Variants in TPH1 observed in about 807,000 individuals in gnomAD.
TPH1 encodes the protein tryptophan hydroxylase 1, also known as tryptophan 5-hydroxylase 1.
TPH1 carries 37 observed loss-of-function variants against 49.5 expected under a neutral mutation model. The observed-to-expected ratio is 0.75, with a 90% CI of 0.58 to 0.98. The LOEUF (loss-of-function observed/expected upper bound fraction) is 0.98. TPH1 is among the 50% of genes least tolerant of loss of function. The pLI, the probability that TPH1 is intolerant of heterozygous loss-of-function variation, is 0.00. For missense variants in TPH1, 487 were observed against 523.6 expected (o/e 0.93, Z 0.68); for synonymous variants, 160 against 182.1 (o/e 0.88, Z 0.98).
chr11:18,026,689 T>C (rs1847931988), intron 6 of TPH1, 64 bp from the exon 7 acceptor site: 2 of 1,595,078 alleles, frequency 1.3e-6, no homozygotes, highest in Admixed American at 1.7e-5. Context: ...TGCAGCATTT[T>C]AGTTCTGCTA....
In TPH1 at chr11:18,026,716, C is replaced by T. The variant is rs536488505; in HGVS notation, c.668-91G>A. The T allele has an allele frequency of 1.8e-4, 271 of 1,481,756 alleles. No individual in the cohort carries two copies. In the African/African-American group the frequency reaches 3.0e-3, roughly 16 times the overall value. The allele number at this position is 1,481,756 out of a possible 1,614,324, so 91.8% of individuals were successfully genotyped here. Reference sequence around the variant, plus strand: ...GTTCTGCTAGTGGCACCAAGTAACACGTTGATGGAAGGCATGGAAACTATA... The same window carrying T: ...GTTCTGCTAGTGGCACCAAGTAACATGTTGATGGAAGGCATGGAAACTATA... On this transcript the variant is annotated intron_variant, in intron 6 of 10. Coordinates refer to ENST00000682019, the MANE Select transcript of TPH1 (RefSeq NM_004179.3).
intron 2 of TPH1, among the ~76,000 whole-genome samples, chr11:18,040,387 A>C (rs1207393870): frequency 3.4e-5 from 5 of 149,126 alleles, no homozygotes; most frequent in Admixed American, 6.7e-5. Context: ...ATATAGAGAG[A>C]AAATCTCACT....
intron 8 of TPH1, among the ~76,000 whole-genome samples, chr11:18,025,171 C>A (rs912306505): frequency 2.6e-5 from 4 of 152,214 alleles, no homozygotes; most frequent in Admixed American, 6.5e-5. Flanking sequence ...GGAAACCTAT[C>A]CTTTTTATTG....
chr11:18,019,630 T>C lies in TPH1; in HGVS notation c.*1361A>G, dbSNP rs747472623. On this transcript the variant is annotated 3_prime_UTR_variant, in exon 11 of 11. Coordinates refer to ENST00000682019, the MANE Select transcript of TPH1 (RefSeq NM_004179.3). ...GTTATAACTGCAAATAGAGGAGTCA[T>C]TCAAAATAAGAACTGAAGTCATGTA... is the stretch of plus-strand genomic sequence containing the variant. 9.4e-5 allele frequency: 43 copies of C among 457,392 alleles called. No homozygotes were observed. Among genetic ancestry groups the C allele is most frequent in the Middle Eastern group, 3.2e-4 (1 of 3,096 alleles). 28.3% of individuals were successfully genotyped at this position (457,392 alleles called of 1,614,324 possible). A position where few individuals can be genotyped will look rare whatever the true frequency, so the allele number is the denominator to read the frequency against.
chr11:18,025,633 T>C lies in TPH1; in HGVS notation c.872A>G (p.Gln291Arg), dbSNP rs1847922329. The C allele has an allele frequency of 1.9e-6, 3 of 1,614,040 alleles. No individual in the cohort carries two copies. Among genetic ancestry groups the C allele is most frequent in the African/African-American group, 2.7e-5 (2 of 75,030 alleles). Residue 291 changes from glutamine (Q) to arginine (R), a missense_variant, in exon 8 of 11, where the codon CAA becomes CGA. Gln to Arg is a conservative substitution (Grantham distance 43, BLOSUM62 1). Transcript: ENST00000682019. Reference sequence around the variant, plus strand: ...GCCAAGAGAAGCCAAGCCAATTTCTTGGGAGAATTGGGCAAAACTAGGTTC... The same window carrying C: ...GCCAAGAGAAGCCAAGCCAATTTCTCGGGAGAATTGGGCAAAACTAGGTTC... ...LAEPSFAQFS[Q>R]EIGLASLGAS... is the part of the protein sequence containing the mutation.
chr11:18,041,616 G>T (rs1848099279), intron 1 of TPH1, among the ~76,000 whole-genome samples: 1 of 152,158 alleles, frequency 6.6e-6, no homozygotes, highest in South Asian at 2.1e-4. Context: ...AAGAAACTAG[G>T]ATATTTCAGG....
Position 18,021,109 on chromosome 11 carries a change from C to T in TPH1, c.1217G>A (p.Arg406Gln), listed in dbSNP as rs757820411. 1.2e-5 allele frequency: 19 copies of T among 1,613,822 alleles called. No homozygotes were observed. Among genetic ancestry groups the T allele is most frequent in the Middle Eastern group, 1.6e-4 (1 of 6,084 alleles). The change falls in exon 11 of 11, where the codon CGG becomes CAG. Residue 406 changes from arginine to glutamine, a missense_variant. Coordinates refer to ENST00000682019, the MANE Select transcript of TPH1 (RefSeq NM_004179.3). ...GGTGTCTTTCAGGATCTGAATACTC[C>T]GTGTATATGGATTATACTTCACTCC... ...PFGVKYNPYTRSIQILKDTKS... is the reference protein window; with the variant it reads ...PFGVKYNPYTQSIQILKDTKS...
At position 18,023,916 on chromosome 11, in the gene TPH1, C is replaced by A. The variant is rs1219325577; in HGVS notation, c.998G>T (p.Gly333Val). 17 of 1,613,170 alleles carry A rather than the reference C, an allele frequency of 1.1e-5. No homozygotes were observed. Among genetic ancestry groups the A allele is most frequent in the African/African-American group, 1.3e-5 (1 of 74,882 alleles). ...QDGQLRVFGAGLLSSISELKH... is the reference protein window; with the variant it reads ...QDGQLRVFGAVLLSSISELKH... ...GAGTTCACTGATAGAAGAAAGTAAG[C>A]CAGCACCAAAGACTCTTAGCTGTCC... Residue 333 changes from glycine (G) to valine (V), a missense_variant, in exon 9 of 11, where the codon GGC (glycine) becomes GTC (valine). Physicochemically the swap from Gly to Val is moderately radical, Grantham distance 109. Transcript: ENST00000682019.
chr11:18,045,047 G>A (rs1001400585), intron 1 of TPH1, among the ~76,000 whole-genome samples: 20 of 152,254 alleles, frequency 1.3e-4, no homozygotes, highest in African/African-American at 2.6e-4. Context: ...AGGTCAAGGC[G>A]TATACAATGA....
At position 18,021,306 on chromosome 11, in the gene TPH1, TCTACA is replaced by T. The variant is rs1854359405; in HGVS notation, c.1161-146_1161-142del. The T allele has an allele frequency of 3.8e-6, 3 of 782,264 alleles. No homozygotes were observed. In the African/African-American group the frequency reaches 5.1e-5, roughly 13 times the overall value. 48.5% of individuals were successfully genotyped at this position (782,264 alleles called of 1,614,324 possible). A position where few individuals can be genotyped will look rare whatever the true frequency, so the allele number is the denominator to read the frequency against. Reference sequence around the variant, plus strand: ...GTGTACAACCAATCTGACCTACTTCTCTACACTACATTTGCAGAGGTCCCCTGGAA... The same window carrying T: ...GTGTACAACCAATCTGACCTACTTCTCTACATTTGCAGAGGTCCCCTGGAA... On this transcript the variant is annotated intron_variant, in intron 10 of 10. Transcript: ENST00000682019.
At chr11:18,041,609 A>G (rs1590268986) in intron 1 of TPH1, among the ~76,000 whole-genome samples, 1 of 152,358 alleles carries the variant, frequency 6.6e-6, no homozygotes, top group East Asian at 1.9e-4. Context: ...CTCACGGAAG[A>G]AACTAGGATA....
rs1318565860 is a variant in TPH1, at chr11:18,023,902, T to C, written c.1012A>G (p.Ile338Val). Residue 338 changes from isoleucine (I) to valine (V), a missense_variant, in exon 9 of 11, where the codon ATC becomes GTC. Ile to Val is a conservative substitution (Grantham distance 29). Coordinates refer to ENST00000682019, the MANE Select transcript of TPH1 (RefSeq NM_004179.3). ...GCAACTCTTACTTTGAGTTCACTGA[T>C]AGAAGAAAGTAAGCCAGCACCAAAG... is the stretch of plus-strand genomic sequence containing the variant. ...RVFGAGLLSS[I>V]SELKHALSGH... The C allele has an allele frequency of 1.2e-6, 2 of 1,612,622 alleles. No individual in the cohort carries two copies. Among genetic ancestry groups the C allele is most frequent in the African/African-American group, 1.3e-5 (1 of 74,882 alleles).
intron 10 of TPH1, 113 bp downstream of exon 10, chr11:18,022,685 G>C: frequency 8.7e-7 from 1 of 1,143,510 alleles, no homozygotes; most frequent in Non-Finnish European, 1.3e-6. Flanking sequence ...GTTACAGACA[G>C]AAGGCTCCTT....
chr11:18,035,621 G>C (rs1373015774), intron 3 of TPH1, among the ~76,000 whole-genome samples: 1 of 151,834 alleles, frequency 6.6e-6, no homozygotes, highest in Non-Finnish European at 1.5e-5. Flanking sequence ...CACAGACTGG[G>C]TCTCTCCATG....
At chr11:18,046,171 G>A (rs1015191485) in intron 1 of TPH1, among the ~76,000 whole-genome samples, 70 bp downstream of exon 1, 4 of 152,184 alleles carry the variant, frequency 2.6e-5, no homozygotes, top group Non-Finnish European at 5.9e-5. Context: ...GCCCAGCCCC[G>A]CGCCTGCCAA....
chr11:18,044,212 A>G (rs1848121646), intron 1 of TPH1, among the ~76,000 whole-genome samples: 1 of 152,164 alleles, frequency 6.6e-6, no homozygotes, highest in African/African-American at 2.4e-5. Flanking sequence ...TCATGAGGTC[A>G]AGAGAGCGAG....
At chr11:18,023,419 TCAGAAATGATGAGGAAA>T (rs1238328136) in intron 9 of TPH1, among the ~76,000 whole-genome samples, 1 of 152,164 alleles carries the variant, frequency 6.6e-6, no homozygotes, top group Non-Finnish European at 1.5e-5. Flanking sequence ...TGCTAGCATA[TCAGAAATGATGAGGAAA>T]CAGCAAGACT....
intron 1 of TPH1, chr11:18,041,367 G>T (rs1410555342): frequency 3.9e-5 from 6 of 152,698 alleles, no homozygotes; most frequent in African/African-American, 1.2e-4. Flanking sequence ...ATCTACTTTG[G>T]TATCTTCTTA....
intron 1 of TPH1, among the ~76,000 whole-genome samples, chr11:18,043,477 T>C (rs1848115593): frequency 6.6e-6 from 1 of 152,056 alleles, no homozygotes; most frequent in South Asian, 2.1e-4. Context: ...TGATGACACA[T>C]GCATGTAATC....
Sources: gnomAD v4.1 joint callset for allele counts (sites outside exome capture counted in the v4.1 genomes callset) on GRCh38, gnomAD v4.1.1 for gene constraint, MANE v1.5 for transcripts, NCBI Gene and HGNC (gene_info 2026-07-23, HGNC 2026-07-21) for gene names.